The following SCN1A variants were observed in gnomAD, a reference collection of about 807,000 sequenced individuals.
The protein encoded by SCN1A is sodium channel protein type 1 subunit alpha.
In SCN1A, 13 loss-of-function variants were observed where a neutral mutation model predicts 193.7. That is an observed-to-expected ratio of 0.07 (90% CI 0.04 to 0.11). The LOEUF (loss-of-function observed/expected upper bound fraction) is 0.11. Among genes scored for constraint, SCN1A ranks in the 10% least tolerant of loss-of-function variants. SCN1A has a pLI of 1.00. For missense variants in SCN1A, 1,432 were observed against 2,451.1 expected (o/e 0.58, Z 8.78); for synonymous variants, 781 against 843.6 (o/e 0.93, Z 1.29).
At chr2:166,115,223 G>A (rs1036658108) in intron 2 of SCN1A, among the ~76,000 whole-genome samples, 1 of 152,106 alleles carries the variant, frequency 6.6e-6, no homozygotes, top group Non-Finnish European at 1.5e-5. Context: ...GCTGGGCATG[G>A]TGGCGCATGC....
chr2:166,112,322 C>T (rs1193711493), intron 2 of SCN1A, among the ~76,000 whole-genome samples: 1 of 152,180 alleles, frequency 6.6e-6, no homozygotes, highest in Non-Finnish European at 1.5e-5. Context: ...GATTATATGA[C>T]TCACTGAAGG....
chr2:166,121,300 T>G (rs970820041), intron 2 of SCN1A, among the ~76,000 whole-genome samples: 2 of 152,180 alleles, frequency 1.3e-5, no homozygotes, highest in African/African-American at 4.8e-5. Flanking sequence ...CTTAACTCTG[T>G]GAACTATAAT....
chr2:166,122,406 G>A (rs772106960), intron 2 of SCN1A, among the ~76,000 whole-genome samples: 5 of 152,100 alleles, frequency 3.3e-5, no homozygotes, highest in South Asian at 4.1e-4. Context: ...CCAATAATGA[G>A]AAGAAACATT....
chr2:166,129,548 T>C (rs774084917), upstream of SCN1A, among the ~76,000 whole-genome samples: 11 of 152,184 alleles, frequency 7.2e-5, no homozygotes, highest in South Asian at 4.1e-4. Context: ...GTCTGGGAAA[T>C]GATGTTGCCC....
intron 2 of SCN1A, among the ~76,000 whole-genome samples, chr2:166,110,171 T>TA (rs35915725): frequency 4.0e-5 from 6 of 151,898 alleles, no homozygotes; most frequent in South Asian, 2.1e-4. Context: ...GCCATACAAA[T>TA]AAAAAAAATT....
At chr2:166,023,546 T>C (rs1007600305) in intron 19 of SCN1A, among the ~76,000 whole-genome samples, 1 of 152,184 alleles carries the variant, frequency 6.6e-6, no homozygotes, top group African/African-American at 2.4e-5. Context: ...AAATGATACA[T>C]TTGGACAGTC....
At chr2:166,024,744 C>G (rs1206487141) in intron 19 of SCN1A, among the ~76,000 whole-genome samples, 1 of 152,164 alleles carries the variant, frequency 6.6e-6, no homozygotes, top group Admixed American at 6.5e-5. Flanking sequence ...CTCACTGCAG[C>G]CTCTACCTCC....
intron 2 of SCN1A, among the ~76,000 whole-genome samples, chr2:166,116,116 G>A (rs1014547451): frequency 6.6e-6 from 1 of 152,230 alleles, no homozygotes; most frequent in Non-Finnish European, 1.5e-5. Flanking sequence ...AGCCAGCCAT[G>A]CTGAATAACT....
chr2:166,051,065 A>G (rs544194280), intron 9 of SCN1A, among the ~76,000 whole-genome samples: 4 of 151,906 alleles, frequency 2.6e-5, no homozygotes, highest in Admixed American at 1.3e-4. Flanking sequence ...GCATTCACAT[A>G]TTTTATCTCC....
intron 22 of SCN1A, among the ~76,000 whole-genome samples, 194 bp downstream of exon 22, chr2:166,011,915 C>G (rs1197443720): frequency 6.6e-6 from 1 of 151,282 alleles, no homozygotes; most frequent in Non-Finnish European, 1.5e-5. Flanking sequence ...TAGATTCCAT[C>G]CCCCAATGTT....
At chr2:166,110,535 T>G (rs530120106) in intron 2 of SCN1A, among the ~76,000 whole-genome samples, 2 of 152,280 alleles carry the variant, frequency 1.3e-5, no homozygotes, top group African/African-American at 4.8e-5. Flanking sequence ...TCTAACTCTC[T>G]TGAACTCTGT....
intron 4 of SCN1A, among the ~76,000 whole-genome samples, chr2:166,063,340 G>T (rs776717753): frequency 1.3e-5 from 2 of 151,992 alleles, no homozygotes; most frequent in Non-Finnish European, 2.9e-5. Flanking sequence ...GGTTGTTCTA[G>T]CTTGTCACTT....
At chr2:166,062,869 A>T (rs1238391263) in intron 4 of SCN1A, among the ~76,000 whole-genome samples, 2 of 152,112 alleles carry the variant, frequency 1.3e-5, no homozygotes, top group African/African-American at 4.8e-5. Flanking sequence ...TTCAACAAAG[A>T]TTTCATTAAT....
intron 1 of SCN1A, among the ~76,000 whole-genome samples, chr2:166,135,208 A>C (rs1380001011): frequency 6.6e-6 from 1 of 152,194 alleles, no homozygotes; most frequent in African/African-American, 2.4e-5. Context: ...CCACTTAAGT[A>C]TATCTTTATA....
chr2:165,994,213 T>C lies in SCN1A; in HGVS notation c.4785A>G (p.Leu1595=). 1 of 1,612,848 alleles carries C rather than the reference T, an allele frequency of 6.2e-7. No homozygotes were observed. ...TGECVLKLIS[L]RHYYFTIGWN... is the part of the protein sequence containing the mutation. ...ATCCAATGGTAAAATAATAATGGCG[T>C]AGAGAGATGAGTTTCAGTACACACT... The change falls in exon 28 of 29, where the codon CTA becomes CTG. Residue 1595 remains leucine, a synonymous_variant. Coordinates refer to ENST00000674923, the MANE Select transcript of SCN1A (RefSeq NM_001165963.4).
chr2:166,020,368 T>A (rs1693887855), intron 19 of SCN1A, among the ~76,000 whole-genome samples: 2 of 152,208 alleles, frequency 1.3e-5, no homozygotes, highest in Non-Finnish European at 2.9e-5. Context: ...TTCATTCTAA[T>A]GGACTTACTT....
downstream of SCN1A, chr2:165,985,620 T>G (rs1688564438): frequency 6.6e-6 from 1 of 152,124 alleles, no homozygotes; most frequent in Non-Finnish European, 1.5e-5. Context: ...TAAAATCAAT[T>G]GATATTGCAA....
chr2:166,101,456 A>G (rs564146313), intron 2 of SCN1A, among the ~76,000 whole-genome samples: 2 of 150,906 alleles, frequency 1.3e-5, no homozygotes, highest in South Asian at 4.2e-4. Flanking sequence ...ACATGTATAC[A>G]TATGTAACTA....
intron 1 of SCN1A, among the ~76,000 whole-genome samples, chr2:166,143,018 A>C (rs1461176473): frequency 1.3e-5 from 2 of 152,078 alleles, no homozygotes; most frequent in African/African-American, 4.8e-5. Flanking sequence ...TTTATAAATT[A>C]CCCAATCTTG....
Sources: allele counts gnomAD v4.1 joint callset (sites outside exome capture counted in the v4.1 genomes callset), GRCh38; gene constraint gnomAD v4.1.1; transcripts MANE v1.5; gene names NCBI Gene and HGNC (gene_info 2026-07-23, HGNC 2026-07-21).